Variants in LMBR1 observed in about 807,000 individuals in gnomAD.
LMBR1 encodes the protein limb region 1 protein homolog.
In LMBR1, 52 loss-of-function variants were observed where a neutral mutation model predicts 73.9. The ratio of observed to expected loss-of-function variants is 0.70; its 90% confidence interval spans 0.56 to 0.89. The LOEUF (loss-of-function observed/expected upper bound fraction) is 0.89, where lower values mean the gene tolerates loss of function less well. LMBR1 is among the 40% of genes least tolerant of loss of function. The pLI, the probability that LMBR1 is intolerant of heterozygous loss-of-function variation, is 0.00. For missense variants in LMBR1, 539 were observed against 579.8 expected (o/e 0.93, Z 0.72); for synonymous variants, 215 against 209.4 (o/e 1.03, Z -0.23).
At chr7:156,671,939 T>G (rs1045239661) in intron 4 of LMBR1, among the ~76,000 whole-genome samples, 8 of 152,272 alleles carry the variant, frequency 5.3e-5, no homozygotes, top group South Asian at 2.1e-4. Context: ...GAGAAGAAAT[T>G]TCAGTTGAAT....
chr7:156,735,009 T>C (rs551834685), intron 9 of LMBR1, among the ~76,000 whole-genome samples: 1 of 152,374 alleles, frequency 6.6e-6, no homozygotes, highest in African/African-American at 2.4e-5. Context: ...ATAGTACAGA[T>C]GTACTACAAC....
At chr7:156,754,342 A>G (rs1005383627) in intron 9 of LMBR1, among the ~76,000 whole-genome samples, 3 of 152,188 alleles carry the variant, frequency 2.0e-5, no homozygotes, top group African/African-American at 7.2e-5. Context: ...AACTACCACA[A>G]TAACTCAACG....
intron 9 of LMBR1, among the ~76,000 whole-genome samples, chr7:156,748,850 T>C (rs1431555788): frequency 6.6e-6 from 1 of 152,234 alleles, no homozygotes; most frequent in Non-Finnish European, 1.5e-5. Flanking sequence ...ATATATGATA[T>C]TTAACTCATT....
At chr7:156,702,726 T>C (rs1195433102) in intron 15 of LMBR1, among the ~76,000 whole-genome samples, 4 of 152,238 alleles carry the variant, frequency 2.6e-5, no homozygotes, top group Non-Finnish European at 1.5e-5. Context: ...AACATACTCT[T>C]AGCATATGAT....
chr7:156,670,115 C>T lies in LMBR1; in HGVS notation n.867-828G>A, dbSNP rs1802154491. 6.6e-6 allele frequency among the ~76,000 whole-genome samples: 1 copy of T among 152,172 alleles called. No homozygotes were observed. Among genetic ancestry groups the T allele is most frequent in the East Asian group, 1.9e-4 (1 of 5,190 alleles). On this transcript the variant is annotated intron_variant and non_coding_transcript_variant, in intron 4 of 4. Transcript: ENST00000430825. The surrounding 1 kb of genome is among the most constrained non-coding windows in gnomAD (Gnocchi z 4.3). ...TTATGACTTTCACAGTGCATCTTTA[C>T]ACCAGAATGTCAGTTTTAAGTGCAA... is the stretch of plus-strand genomic sequence containing the variant.
intron 15 of LMBR1, among the ~76,000 whole-genome samples, chr7:156,719,779 G>A (rs925044317): frequency 2.8e-4 from 43 of 152,134 alleles, no homozygotes; most frequent in Non-Finnish European, 5.1e-4. Flanking sequence ...GAATAGAACA[G>A]AGCCCTCAGA....
At chr7:156,875,706 A>G (rs574945585) in intron 1 of LMBR1, among the ~76,000 whole-genome samples, 1 of 152,324 alleles carries the variant, frequency 6.6e-6, no homozygotes, top group East Asian at 1.9e-4. Context: ...TTTTGTATCC[A>G]GTGAAACTAT....
chr7:156,674,740 T>A (rs943950584), downstream of LMBR1, among the ~76,000 whole-genome samples: 2 of 152,240 alleles, frequency 1.3e-5, no homozygotes, highest in African/African-American at 2.4e-5. Flanking sequence ...GTTGAAGTGA[T>A]AATATTTTGG....
rs1816093178 is a variant in LMBR1 at position 156,727,929 on chromosome 7, C to T, written c.993+1G>A. 1.2e-6 allele frequency: 2 copies of T among 1,608,772 alleles called. No individual in the cohort carries two copies. Among genetic ancestry groups the T allele is most frequent in the Non-Finnish European group, 1.7e-6 (2 of 1,175,680 alleles). On this transcript the variant is annotated splice_donor_variant, in intron 12 of 16. Transcript: ENST00000353442. LOFTEE classifies it high-confidence loss of function. ...AGACATTTTAAAGGATTTTACTTTA[C>T]CCTTGTTCCTTTTGGCATTGCTGTT...
rs146411054 is a variant in LMBR1, at chr7:156,728,714, C to T, written c.845G>A (p.Arg282Gln). Reference sequence around the variant, plus strand: ...TCTTTCCCATGCTGAAGCCTTTTTTCGCCTCTCTATTAAAAGGAAAAACAA... The same window carrying T: ...TCTTTCCCATGCTGAAGCCTTTTTTTGCCTCTCTATTAAAAGGAAAAACAA... ...VKTLKTKLERRKKASAWERNL... is the reference protein window; with the variant it reads ...VKTLKTKLERQKKASAWERNL... The change falls in exon 11 of 17, where the codon CGA becomes CAA. Residue 282 changes from arginine (R) to glutamine (Q), a missense_variant. By Grantham distance (43) the Arg-to-Gln change is conservative (BLOSUM62 1). Transcript: ENST00000353442. 26 of 1,597,588 alleles carry T rather than the reference C, an allele frequency of 1.6e-5. No homozygotes were observed. Among genetic ancestry groups the T allele is most frequent in the Non-Finnish European group, 1.8e-5 (21 of 1,174,554 alleles).
intron 15 of LMBR1, among the ~76,000 whole-genome samples, chr7:156,723,468 G>GCATTTTATAA (rs1815047608): frequency 1.3e-5 from 2 of 152,078 alleles, no homozygotes; most frequent in Non-Finnish European, 2.9e-5. Flanking sequence ...GAAGAACTCA[G>GCATTTTATAA]AATATGGTCT....
At chr7:156,802,813 C>T (rs994848611) in intron 4 of LMBR1, among the ~76,000 whole-genome samples, 3 of 152,024 alleles carry the variant, frequency 2.0e-5, no homozygotes, top group African/African-American at 7.2e-5. Flanking sequence ...GCCACTGACT[C>T]TGCACTTTAG....
At chr7:156,826,474 T>C (rs112211875) in intron 4 of LMBR1, 131 bp downstream of exon 4, 2 of 541,618 alleles carry the variant, frequency 3.7e-6, no homozygotes, top group South Asian at 5.7e-5. Context: ...TCTGACATTA[T>C]TAAAGACCCA....
intron 1 of LMBR1, among the ~76,000 whole-genome samples, chr7:156,860,162 G>A (rs1010281850): frequency 1.8e-4 from 28 of 152,284 alleles, no homozygotes; most frequent in African/African-American, 5.1e-4. Flanking sequence ...TCACACTGCC[G>A]ATAAAGACAT....
chr7:156,764,250 G>A (rs1250719473), intron 5 of LMBR1, among the ~76,000 whole-genome samples: 5 of 152,216 alleles, frequency 3.3e-5, no homozygotes, highest in East Asian at 1.9e-4. Flanking sequence ...CACAGCCTCC[G>A]GAGCCCTCTA....
intron 1 of LMBR1, among the ~76,000 whole-genome samples, chr7:156,876,493 T>C (rs1800194470): frequency 6.6e-6 from 1 of 152,148 alleles, no homozygotes; most frequent in Non-Finnish European, 1.5e-5. Context: ...TACAGAACAT[T>C]CTACCCAACA....
intron 15 of LMBR1, among the ~76,000 whole-genome samples, chr7:156,716,320 T>A (rs1322491913): frequency 6.6e-6 from 1 of 152,196 alleles, no homozygotes; most frequent in African/African-American, 2.4e-5. Flanking sequence ...GAAAACTGTA[T>A]TTGCAAATAT....
intron 1 of LMBR1, among the ~76,000 whole-genome samples, chr7:156,843,447 G>T (rs976992736): frequency 6.6e-6 from 1 of 152,178 alleles, no homozygotes; most frequent in Non-Finnish European, 1.5e-5. Flanking sequence ...TAGCTGCAAC[G>T]AAAGCACTTG....
At chr7:156,803,199 T>G (rs1831326458) in intron 4 of LMBR1, among the ~76,000 whole-genome samples, 1 of 151,994 alleles carries the variant, frequency 6.6e-6, no homozygotes, top group African/African-American at 2.4e-5. Context: ...GAAACCACCA[T>G]CAGAGTGAAC....
Sources: allele counts gnomAD v4.1 joint callset (sites outside exome capture counted in the v4.1 genomes callset), GRCh38; gene constraint gnomAD v4.1.1; non-coding constraint Gnocchi (gnomAD v3.1); transcripts MANE v1.5; gene names NCBI Gene and HGNC (gene_info 2026-07-23, HGNC 2026-07-21).